ROCK1: variants seen among roughly 807,000 people sequenced by gnomAD.
ROCK1 encodes Rho associated coiled-coil containing protein kinase 1.
Under a neutral mutation model 196.8 loss-of-function variants are expected in ROCK1, and 36 were observed. The observed-to-expected ratio is 0.18, with a 90% CI of 0.14 to 0.24. The LOEUF (loss-of-function observed/expected upper bound fraction) is 0.24. ROCK1 is among the 10% of genes least tolerant of loss of function. ROCK1 has a pLI of 1.00. For missense variants in ROCK1, 920 were observed against 1,562.0 expected, an observed-to-expected ratio of 0.59 and a Z score of 6.93; for synonymous variants, 443 against 515.9, an observed-to-expected ratio of 0.86 and a Z score of 1.91.
chr18:21,057,748 G>C (rs1436203793), intron 2 of ROCK1, among the ~76,000 whole-genome samples: 1 of 152,138 alleles, frequency 6.6e-6, no homozygotes, highest in East Asian at 1.9e-4. Context: ...TTGAACTCAA[G>C]AGGTGGAGGT....
chr18:21,000,266 C>CT (rs112094549), intron 16 of ROCK1, among the ~76,000 whole-genome samples: 1,461 of 145,086 alleles, frequency 0.01, 19 homozygotes, highest in African/African-American at 0.026. Flanking sequence ...AATTGATTTT[C>CT]TTTTTTTTTT....
At chr18:21,033,785 G>A (rs2036030803) in intron 9 of ROCK1, among the ~76,000 whole-genome samples, 1 of 148,492 alleles carries the variant, frequency 6.7e-6, no homozygotes, top group Admixed American at 6.8e-5. Context: ...TTGGGAGGCG[G>A]AGGTGGGCAG....
intron 19 of ROCK1, among the ~76,000 whole-genome samples, chr18:20,984,764 C>T (rs747246544): frequency 1.3e-5 from 2 of 151,996 alleles, no homozygotes; most frequent in African/African-American, 2.4e-5. Flanking sequence ...GAAAAAAATT[C>T]TGGTTCCTTT....
intron 1 of ROCK1, among the ~76,000 whole-genome samples, chr18:21,086,200 C>T (rs1456991536): frequency 6.6e-6 from 1 of 150,988 alleles, no homozygotes; most frequent in Non-Finnish European, 1.5e-5. Context: ...CAACCTCCAC[C>T]TCCCAGGTTC....
intron 2 of ROCK1, among the ~76,000 whole-genome samples, chr18:21,066,457 G>A (rs1289712777): frequency 2.0e-5 from 3 of 152,052 alleles, no homozygotes; most frequent in Non-Finnish European, 4.4e-5. Flanking sequence ...TTTTAAGGTT[G>A]AGTTTGTTAA....
intron 1 of ROCK1, among the ~76,000 whole-genome samples, chr18:21,101,568 G>A (rs1035739279): frequency 1.3e-5 from 2 of 152,196 alleles, no homozygotes; most frequent in Non-Finnish European, 2.9e-5. Flanking sequence ...GAAAAATCCA[G>A]AATGTAAAAC....
intron 13 of ROCK1, among the ~76,000 whole-genome samples, chr18:21,011,226 T>C (rs904558365): frequency 6.6e-6 from 1 of 152,190 alleles, no homozygotes; most frequent in Non-Finnish European, 1.5e-5. Context: ...TGATCTCTGT[T>C]ATTTCTACAT....
intron 4 of ROCK1, among the ~76,000 whole-genome samples, chr18:21,045,826 G>A (rs1170427931): frequency 6.7e-6 from 1 of 149,304 alleles, no homozygotes; most frequent in South Asian, 2.1e-4. Flanking sequence ...CATCAGTGGG[G>A]TCTACTATTA....
intron 10 of ROCK1, 96 bp downstream of exon 10, chr18:21,028,680 T>G: frequency 2.8e-6 from 3 of 1,083,686 alleles, no homozygotes; most frequent in Non-Finnish European, 2.6e-6. Flanking sequence ...AAGGTGTATC[T>G]TTATATAGCA....
intron 32 of ROCK1, among the ~76,000 whole-genome samples, chr18:20,952,446 C>G (rs2035198594): frequency 6.6e-6 from 1 of 151,004 alleles, no homozygotes; most frequent in Non-Finnish European, 1.5e-5. Context: ...AATTGTTTAT[C>G]ATGGCATAAA....
Position 21,111,555 on chromosome 18 carries a change from T to G in ROCK1, c.-645A>C. On this transcript the variant is annotated 5_prime_UTR_variant, in exon 1 of 33. Transcript: ENST00000399799. This position sits in a 1 kb window ranked among gnomAD's most constrained non-coding sequence, Gnocchi z 4.2. ...GTCCCGTCGCTGCTGGGGCTGCTGC[T>G]ACGGTGTCCGGTGGGGCAGGGCGAG... 6.0e-6 allele frequency: 1 copy of G among 167,004 alleles called. No homozygotes were observed. The highest frequency in any genetic ancestry group is 1.3e-5 in the Non-Finnish European group (1 of 78,460). 10.3% of individuals were successfully genotyped at this position (167,004 alleles called of 1,614,324 possible). A position where few individuals can be genotyped will look rare whatever the true frequency, so the allele number is the denominator to read the frequency against.
At chr18:21,005,090 A>G (rs1020724703) in intron 16 of ROCK1, among the ~76,000 whole-genome samples, 2 of 152,214 alleles carry the variant, frequency 1.3e-5, no homozygotes, top group African/African-American at 4.8e-5. Context: ...ACTTCTATGC[A>G]TATTTGTTTT....
chr18:20,956,839 T>C (rs2035246742), intron 29 of ROCK1, among the ~76,000 whole-genome samples: 1 of 152,066 alleles, frequency 6.6e-6, no homozygotes, highest in Non-Finnish European at 1.5e-5. Context: ...CTTAAAAACA[T>C]AAGCAACCCA....
chr18:21,098,368 A>G (rs1269883687), intron 1 of ROCK1, among the ~76,000 whole-genome samples: 2 of 152,096 alleles, frequency 1.3e-5, no homozygotes, highest in Non-Finnish European at 2.9e-5. Context: ...ATAAACAGAT[A>G]GCCATTTGAA....
At chr18:21,039,286 A>G (rs2036084715) in intron 9 of ROCK1, among the ~76,000 whole-genome samples, 186 bp downstream of exon 9, 1 of 150,680 alleles carries the variant, frequency 6.6e-6, no homozygotes, top group Non-Finnish European at 1.5e-5. Context: ...TGCGTGGGAC[A>G]TAAGAGGAGT....
At chr18:21,008,736 T>A (rs543751077) in intron 13 of ROCK1, among the ~76,000 whole-genome samples, 1 of 152,334 alleles carries the variant, frequency 6.6e-6, no homozygotes, top group South Asian at 2.1e-4. Context: ...ACATAAATCA[T>A]TCAAGGTCTT....
intron 25 of ROCK1, 30 bp from the exon 26 acceptor site, chr18:20,967,970 A>G (rs1364587539): frequency 7.1e-7 from 1 of 1,399,954 alleles, no homozygotes; most frequent in African/African-American, 1.5e-5. Context: ...AAAGATCAAT[A>G]GTGTAGTCAT....
rs2035166598 is a variant in ROCK1, at chr18:20,949,841, C to T, written c.*1543G>A. 6.6e-6 allele frequency: 1 copy of T among 152,624 alleles called. No homozygotes were observed. The highest frequency in any genetic ancestry group is 2.4e-5 in the African/African-American group (1 of 41,438). The allele number at this position is 152,624 out of a possible 1,614,324, so 9.5% of individuals were successfully genotyped here. A position where few individuals can be genotyped will look rare whatever the true frequency, so the allele number is the denominator to read the frequency against. ...AAGTATGTTTTCCATTCATTTCAGC[C>T]ATGAGAAAACACATTGCAGTAAAAA... On this transcript the variant is annotated 3_prime_UTR_variant, in exon 33 of 33. Transcript: ENST00000399799.
chr18:21,032,506 G>GTTTTTTTTTTTTT (rs368055407), intron 9 of ROCK1, among the ~76,000 whole-genome samples: 34 of 129,236 alleles, frequency 2.6e-4, no homozygotes, highest in African/African-American at 9.3e-4. Flanking sequence ...AAATAGGAAA[G>GTTTTTTTTTTTTT]TTTTTTTTTT....
Sources: gnomAD v4.1 joint callset for allele counts (sites outside exome capture counted in the v4.1 genomes callset) on GRCh38, gnomAD v4.1.1 for gene constraint, Gnocchi (gnomAD v3.1) non-coding constraint, MANE v1.5 for transcripts, NCBI Gene and HGNC (gene_info 2026-07-23, HGNC 2026-07-21) for gene names.